Variants in LTBP4 observed in about 807,000 individuals in gnomAD.
LTBP4 encodes the protein latent transforming growth factor beta binding protein 4.
LTBP4 carries 93 observed loss-of-function variants against 180.2 expected under a neutral mutation model. The observed-to-expected ratio is 0.52, with a 90% CI of 0.44 to 0.61. The LOEUF (loss-of-function observed/expected upper bound fraction) is 0.61. LTBP4 is among the 20% of genes least tolerant of loss of function. The probability of loss-of-function intolerance (pLI) is 0.00; values close to 1 mark genes in which losing one functional copy is unlikely to be tolerated. For missense variants in LTBP4, 2,116 were observed against 2,256.5 expected (o/e 0.94, Z 1.26); for synonymous variants, 947 against 934.5 (o/e 1.01, Z -0.24).
chr19:40,607,262 C>CA, intron 6 of LTBP4, 103 bp from the exon 7 acceptor site: 1 of 384,322 alleles, frequency 2.6e-6, no homozygotes, highest in South Asian at 2.7e-5. Flanking sequence ...CACCCACCAA[C>CA]CCCCCACCCC....
Position 40,613,502 on chromosome 19 carries a change from C to G in LTBP4, c.2530C>G (p.Pro844Ala). 6.3e-7 allele frequency: 1 copy of G among 1,577,594 alleles called. No homozygotes were observed. The highest frequency in any genetic ancestry group is 8.6e-7 in the Non-Finnish European group (1 of 1,162,574). The change falls in exon 17 of 30, where the codon CCC becomes GCC. Residue 844 changes from proline (P) to alanine (A), a missense_variant. This residue lies in a region of LTBP4 where 877 missense variants were observed against 873.6 expected (regional missense o/e 1.00). Transcript: ENST00000396819. This position sits in a 1 kb window ranked among gnomAD's most constrained non-coding sequence, Gnocchi z 5.0. The stretch of plus-strand genomic sequence containing the variant: ...CTGTACTTGTGCCCCTGGCTACCGA[C>G]CCGGACCCCGCGGAGCCTCTTGCCT... ...FACTCAPGYR[P>A]GPRGASCLDV... is the part of the protein sequence containing the mutation.
chr19:40,614,292 G>T, intron 18 of LTBP4, 23 bp from the exon 19 acceptor site: 1 of 1,587,848 alleles, frequency 6.3e-7, no homozygotes, highest in South Asian at 1.1e-5. Context: ...TCCCACATCC[G>T]ACCACCCGAC....
At chr19:40,599,126 C>T, upstream of LTBP4, 1 of 1,435,676 alleles carries the variant, frequency 7.0e-7, no homozygotes. Context: ...GGTTTCCCCT[C>T]CCCGATTGCC....
At chr19:40,615,011 A>G (rs1335980485) in intron 19 of LTBP4, among the ~76,000 whole-genome samples, 1 of 152,022 alleles carries the variant, frequency 6.6e-6, no homozygotes, top group Non-Finnish European at 1.5e-5. Flanking sequence ...GGATGGCTCC[A>G]GTCTCTCGAA....
At chr19:40,599,086 C>A, upstream of LTBP4, 3 of 933,136 alleles carry the variant, frequency 3.2e-6, no homozygotes, top group East Asian at 5.2e-5. Context: ...TAGTCATATA[C>A]CTGTTTCAAG....
At position 40,609,365 on chromosome 19, in the gene LTBP4, C is replaced by G. The variant is rs2081487415; in HGVS notation, c.1427-165C>G. ...GATTCGGCCAAGGATCTGATGAGAACGTTCCAGGATAAAAAAGATGGAGAT... is the reference window on the plus strand; with the variant it reads ...GATTCGGCCAAGGATCTGATGAGAAGGTTCCAGGATAAAAAAGATGGAGAT... On this transcript the variant is annotated intron_variant, in intron 9 of 29. Transcript: ENST00000396819. The surrounding 1 kb of genome is among the most constrained non-coding windows in gnomAD (Gnocchi z 4.9). Among the ~76,000 whole-genome samples the G allele has an allele frequency of 6.6e-6, 1 of 152,006 alleles. No individual in the cohort carries two copies. Among genetic ancestry groups the G allele is most frequent in the Non-Finnish European group, 1.5e-5 (1 of 68,018 alleles).
intron 24 of LTBP4, 65 bp from the exon 25 acceptor site, chr19:40,623,539 C>T (rs1282280016): frequency 1.1e-4 from 173 of 1,551,328 alleles, no homozygotes; most frequent in Non-Finnish European, 1.5e-4. Flanking sequence ...TGTCTTCCCA[C>T]GTCATGCCCT....
At position 40,609,853 on chromosome 19, in the gene LTBP4, C is replaced by G. The variant is rs376506632; in HGVS notation, c.1666C>G (p.Arg556Gly). The G allele has an allele frequency of 4.3e-5, 69 of 1,586,392 alleles. No individual in the cohort carries two copies. Among genetic ancestry groups the G allele is most frequent in the Non-Finnish European group, 5.7e-5 (66 of 1,165,036 alleles). Residue 556 changes from arginine to glycine, a missense_variant, in exon 11 of 30, where the codon CGG becomes GGG. Physicochemically the swap from Arg to Gly is moderately radical, Grantham distance 125. Around this residue, in one of 5 missense-constraint regions of LTBP4, gnomAD observed 877 missense variants for 873.6 expected, o/e 1.00. Transcript: ENST00000396819. This position sits in a 1 kb window ranked among gnomAD's most constrained non-coding sequence, Gnocchi z 4.9. ...VCGPGFRAGP[R>G]AAECLDVDEC... Reference sequence around the variant, plus strand: ...CGGCCCGGGCTTCCGAGCCGGCCCACGGGCTGCGGAATGCCTGGGTGAGAA... The same window carrying G: ...CGGCCCGGGCTTCCGAGCCGGCCCAGGGGCTGCGGAATGCCTGGGTGAGAA...
chr19:40,616,861 C>A (rs2081552440), intron 19 of LTBP4, 28 bp from the exon 20 acceptor site: 1 of 1,612,428 alleles, frequency 6.2e-7, no homozygotes, highest in African/African-American at 1.3e-5. Context: ...GCCTTTGACT[C>A]CCCTTTCATC....
chr19:40,594,157 G>A (rs1308233625), intron 1 of LTBP4, among the ~76,000 whole-genome samples: 2 of 151,742 alleles, frequency 1.3e-5, no homozygotes, highest in South Asian at 2.1e-4. Context: ...TGGGATGTTA[G>A]CAAATCTAGA....
chr19:40,596,046 G>T (rs540978595), intron 1 of LTBP4, among the ~76,000 whole-genome samples: 3 of 149,324 alleles, frequency 2.0e-5, no homozygotes, highest in African/African-American at 7.4e-5. Context: ...TCAGCCTCCC[G>T]AGTCGCTGGG....
chr19:40,622,682 A>T lies in LTBP4; in HGVS notation c.3484+15A>T. ...CACCGAGACAGGTGGGCATGGGCTGATGGGGACACAGGGCTGAGGGCTTGG... is the reference window on the plus strand; with the variant it reads ...CACCGAGACAGGTGGGCATGGGCTGTTGGGGACACAGGGCTGAGGGCTTGG... On this transcript the variant is annotated intron_variant, in intron 23 of 29. Coordinates refer to ENST00000396819, the MANE Select transcript of LTBP4 (RefSeq NM_001042545.2). The surrounding 1 kb of genome is among the most constrained non-coding windows in gnomAD (Gnocchi z 5.1). 6 of 1,591,830 alleles carry T rather than the reference A, an allele frequency of 3.8e-6. No homozygotes were observed. The highest frequency in any genetic ancestry group is 5.1e-6 in the Non-Finnish European group (6 of 1,169,656).
chr19:40,599,167 C>T (rs372289157), upstream of LTBP4: 82 of 1,582,230 alleles, frequency 5.2e-5, no homozygotes, highest in African/African-American at 1.0e-3. Flanking sequence ...GTGCTAGGGG[C>T]CTGAGTGACT....
In LTBP4 at chr19:40,622,196, G is replaced by C. The variant is rs1046195136; in HGVS notation, c.3218-205G>C. Among the ~76,000 whole-genome samples the C allele has an allele frequency of 2.0e-5, 3 of 152,208 alleles. No individual in the cohort carries two copies. The highest frequency in any genetic ancestry group is 4.8e-5 in the African/African-American group (2 of 41,454). On this transcript the variant is annotated intron_variant, in intron 22 of 29. Transcript: ENST00000396819. This position sits in a 1 kb window ranked among gnomAD's most constrained non-coding sequence, Gnocchi z 5.1. ...TGACGGGAAAGTGTGAGGTGGGGAG[G>C]CAAGAGATGCAGAAATGACAGGAGG...
chr19:40,599,935 C>A (rs767296485), upstream of LTBP4: 12 of 468,452 alleles, frequency 2.6e-5, no homozygotes, highest in Non-Finnish European at 4.2e-5. Context: ...AGGCCTGGTC[C>A]CCATAAATAG....
Position 40,622,515 on chromosome 19 carries a change from G to A in LTBP4, c.3332G>A (p.Ser1111Asn). 6.2e-7 allele frequency: 1 copy of A among 1,613,690 alleles called. No homozygotes were observed. Residue 1111 changes from serine to asparagine, a missense_variant, in exon 23 of 30, where the codon AGT becomes AAT. By Grantham distance (46) the Ser-to-Asn change is conservative. Transcript: ENST00000396819. This position sits in a 1 kb window ranked among gnomAD's most constrained non-coding sequence, Gnocchi z 5.1. ...ACACCTAGGCAGGGCCCTGTGGGGAGTGGGCGCCGGGAGTGCTACTTTGAC... is the reference window on the plus strand; with the variant it reads ...ACACCTAGGCAGGGCCCTGTGGGGAATGGGCGCCGGGAGTGCTACTTTGAC... ...PSTPRQGPVG[S>N]GRRECYFDTA...
At chr19:40,619,884 T>G (rs1249063968) in intron 22 of LTBP4, among the ~76,000 whole-genome samples, 4 of 151,062 alleles carry the variant, frequency 2.6e-5, no homozygotes, top group African/African-American at 7.3e-5. Context: ...CCCAGGGGGG[T>G]TTTGGAGGAG....
At chr19:40,593,186 G>A (rs534792216) in intron 1 of LTBP4, 8 of 1,613,886 alleles carry the variant, frequency 5.0e-6, no homozygotes, top group South Asian at 1.1e-5. Flanking sequence ...TAAAAGGTGA[G>A]TGCCTCTGAA....
Position 40,609,540 on chromosome 19 carries a change from C to T in LTBP4, c.1437C>T (p.Ser479=), listed in dbSNP as rs935109582. The change falls in exon 10 of 30, where the codon TCC becomes TCT. Residue 479 remains serine, a synonymous_variant. Coordinates refer to ENST00000396819, the MANE Select transcript of LTBP4 (RefSeq NM_001042545.2). The surrounding 1 kb of genome is among the most constrained non-coding windows in gnomAD (Gnocchi z 4.9). ...GPEIPESGPS[S]GMCQRNPQVC... ...GACTGGACCCCCCAGGTCCCTCCTCCGGCATGTGTCAGCGCAACCCCCAGG... is the reference window on the plus strand; with the variant it reads ...GACTGGACCCCCCAGGTCCCTCCTCTGGCATGTGTCAGCGCAACCCCCAGG... 1 of 1,613,054 alleles carries T rather than the reference C, an allele frequency of 6.2e-7. No homozygotes were observed. Among genetic ancestry groups the T allele is most frequent in the Non-Finnish European group, 8.5e-7 (1 of 1,179,622 alleles).
Sources: gnomAD v4.1 joint callset for allele counts (sites outside exome capture counted in the v4.1 genomes callset) on GRCh38, gnomAD v4.1.1 for gene constraint, gnomAD v4.1.1 regional missense constraint, Gnocchi (gnomAD v3.1) non-coding constraint, MANE v1.5 for transcripts, NCBI Gene and HGNC (gene_info 2026-07-23, HGNC 2026-07-21) for gene names.